The following LIMK2 variants were observed in gnomAD, a reference collection of about 807,000 sequenced individuals.
LIMK2 encodes LIM domain kinase 2.
Under a neutral mutation model 75.7 loss-of-function variants are expected in LIMK2, and 35 were observed. The ratio of observed to expected loss-of-function variants is 0.46; its 90% CI spans 0.35 to 0.61. The LOEUF (loss-of-function observed/expected upper bound fraction) is 0.61, where lower values mean the gene tolerates loss of function less well. LIMK2 is among the 20% of genes least tolerant of loss of function. The probability of loss-of-function intolerance (pLI) is 0.00; values close to 1 mark genes in which losing one functional copy is unlikely to be tolerated. For missense variants in LIMK2, 623 were observed against 831.0 expected (o/e 0.75, Z 3.08); for synonymous variants, 301 against 319.2 (o/e 0.94, Z 0.61).
chr22:31,260,176 T>C (rs1177825984), intron 5 of LIMK2, 99 bp downstream of exon 5: 2 of 992,440 alleles, frequency 2.0e-6, no homozygotes, highest in African/African-American at 3.4e-5. Flanking sequence ...AGAACTCCCT[T>C]TATTCTCATC....
At chr22:31,248,872 G>T in intron 2 of LIMK2, 1 of 1,268,084 alleles carries the variant, frequency 7.9e-7, no homozygotes. Context: ...TTTACCATCG[G>T]TTCTGCCGGG....
At chr22:31,260,727 A>T (rs2048829876) in intron 5 of LIMK2, among the ~76,000 whole-genome samples, 1 of 152,224 alleles carries the variant, frequency 6.6e-6, no homozygotes, top group African/African-American at 2.4e-5. Context: ...TTGGGAAGTC[A>T]GGAGGAGCTA....
Position 31,276,006 on chromosome 22 carries a change from C to CT in LIMK2, c.1772+699dup, listed in dbSNP as rs1315822291. Among the ~76,000 whole-genome samples, 9 of 152,282 alleles carry CT rather than the reference C, an allele frequency of 5.9e-5. 1 individual carries two copies. The highest frequency in any genetic ancestry group is 2.2e-4 in the African/African-American group (9 of 41,544). Reference sequence around the variant, plus strand: ...ATCCCAGCACTTTGGGAGGCTGAGGCTGGTGGATCACCTGAGGTCTGGAGT... The same window carrying CT: ...ATCCCAGCACTTTGGGAGGCTGAGGCTTGGTGGATCACCTGAGGTCTGGAGT... On this transcript the variant is annotated intron_variant, in intron 15 of 15. Transcript: ENST00000331728.
At chr22:31,242,704 A>G (rs1448138799) in intron 2 of LIMK2, among the ~76,000 whole-genome samples, 2 of 152,200 alleles carry the variant, frequency 1.3e-5, no homozygotes, top group African/African-American at 2.4e-5. Flanking sequence ...CCAGATGCCA[A>G]ATTCTTTTCT....
chr22:31,213,711 C>T (rs1366570129), intron 1 of LIMK2, among the ~76,000 whole-genome samples: 4 of 152,058 alleles, frequency 2.6e-5, no homozygotes, highest in Non-Finnish European at 1.5e-5. Flanking sequence ...TTGAGACCAG[C>T]TTGGGCAATA....
chr22:31,275,294 G>A lies in LIMK2; in HGVS notation c.1758G>A (p.Leu586=). The part of the protein sequence containing the change: ...FFPLAAICCR[L]EPESRPAFSK... ...CGCTGGCCGCCATCTGCTGCAGACTGGAGCCTGAGAGCAGGTTGGTATCCT... is the reference window on the plus strand; with the variant it reads ...CGCTGGCCGCCATCTGCTGCAGACTAGAGCCTGAGAGCAGGTTGGTATCCT... The change falls in exon 15 of 16, where the codon CTG becomes CTA. Residue 586 remains leucine, a synonymous_variant. Coordinates refer to ENST00000331728, the MANE Select transcript of LIMK2 (RefSeq NM_005569.4). The A allele has an allele frequency of 6.2e-7, 1 of 1,614,176 alleles. No homozygotes were observed. Among genetic ancestry groups the A allele is most frequent in the Non-Finnish European group, 8.5e-7 (1 of 1,180,044 alleles).
chr22:31,266,998 C>G lies in LIMK2; in HGVS notation c.1056C>G (p.Ala352=). Residue 352 remains alanine, a synonymous_variant, in exon 9 of 16, where the codon GCC becomes GCG. Transcript: ENST00000331728. ...CCTCCCTGTAGGTGACACACAAAGC[C>G]ACGGGCAAAGTGATGGTCATGAAAG... ...FGQAIKVTHK[A]TGKVMVMKEL... is the part of the protein sequence containing the mutation. 6.2e-7 allele frequency: 1 copy of G among 1,609,342 alleles called. No homozygotes were observed. The highest frequency in any genetic ancestry group is 1.1e-5 in the South Asian group (1 of 90,264).
intron 10 of LIMK2, 73 bp downstream of exon 10, chr22:31,267,980 A>T (rs2048913837): frequency 6.4e-7 from 1 of 1,569,152 alleles, no homozygotes; most frequent in Non-Finnish European, 8.7e-7. Context: ...CTACCCTAGG[A>T]GCTTAAAGGG....
intron 3 of LIMK2, chr22:31,258,750 GA>G: frequency 2.6e-6 from 1 of 387,742 alleles, no homozygotes; most frequent in Non-Finnish European, 4.8e-6. Flanking sequence ...TAGGGAATCA[GA>G]AAAGGAGACT....
intron 2 of LIMK2, among the ~76,000 whole-genome samples, chr22:31,240,254 C>T (rs552703074): frequency 2.6e-5 from 4 of 152,232 alleles, no homozygotes; most frequent in African/African-American, 9.6e-5. Flanking sequence ...TGATGATGCC[C>T]TATAGAGATT....
chr22:31,237,214 T>G (rs1185874778), intron 2 of LIMK2, among the ~76,000 whole-genome samples: 1 of 141,454 alleles, frequency 7.1e-6, no homozygotes, highest in Non-Finnish European at 1.5e-5. Context: ...TGAGCTGAGA[T>G]CGCGCCACTG....
intron 2 of LIMK2, among the ~76,000 whole-genome samples, chr22:31,250,130 CTTG>C (rs1000189408): frequency 6.6e-6 from 1 of 152,076 alleles, no homozygotes; most frequent in African/African-American, 2.4e-5. Flanking sequence ...GTTTGCCTGA[CTTG>C]TTGAAGGTGT....
chr22:31,221,370 T>C (rs1241914069), intron 1 of LIMK2, among the ~76,000 whole-genome samples: 2 of 151,574 alleles, frequency 1.3e-5, no homozygotes, highest in African/African-American at 4.9e-5. Context: ...GTATTCATCC[T>C]TTAGAGCTCA....
chr22:31,263,185 G>A (rs79371620), intron 7 of LIMK2, among the ~76,000 whole-genome samples: 4 of 152,084 alleles, frequency 2.6e-5, no homozygotes, highest in Non-Finnish European at 4.4e-5. Context: ...ATGAATGAAC[G>A]TTTTTTTTAG....
At chr22:31,221,103 A>G (rs1279543720) in intron 1 of LIMK2, among the ~76,000 whole-genome samples, 1 of 152,242 alleles carries the variant, frequency 6.6e-6, no homozygotes, top group Non-Finnish European at 1.5e-5. Flanking sequence ...ATGTAACTAG[A>G]GCATTCTTTT....
At chr22:31,237,444 A>T (rs1354463255) in intron 2 of LIMK2, among the ~76,000 whole-genome samples, 1 of 149,852 alleles carries the variant, frequency 6.7e-6, no homozygotes, top group East Asian at 2.0e-4. Flanking sequence ...GGCACCTGTA[A>T]TCCCAGCTAC....
Position 31,262,239 on chromosome 22 carries a change from G to T in LIMK2, c.657G>T (p.Glu219Asp). 1 of 1,603,786 alleles carries T rather than the reference G, an allele frequency of 6.2e-7. No individual in the cohort carries two copies. Among genetic ancestry groups the T allele is most frequent in the Non-Finnish European group, 8.5e-7 (1 of 1,170,562 alleles). The change falls in exon 6 of 16, where the codon GAG (glutamate) becomes GAT (aspartate). Residue 219 changes from glutamate (E) to aspartate (D), a missense_variant and splice_region_variant. Physicochemically the swap from Glu to Asp is conservative, Grantham distance 45. Around this residue, in one of 3 missense-constraint regions of LIMK2, gnomAD observed 514 missense variants for 661.3 expected, o/e 0.78. Coordinates refer to ENST00000331728, the MANE Select transcript of LIMK2 (RefSeq NM_005569.4). The surrounding 1 kb of genome is among the most constrained non-coding windows in gnomAD (Gnocchi z 5.0). ...GTPVRTLRVE[E>D]VEDAISQTSQ... ...CCGTCCGCACACTTCGAGTGGAGGA[G>T]GTAGAGTGTGTGTCTAATCTGTCTT...
chr22:31,243,045 C>G (rs1255555035), intron 2 of LIMK2, among the ~76,000 whole-genome samples: 1 of 152,210 alleles, frequency 6.6e-6, no homozygotes, highest in East Asian at 1.9e-4. Flanking sequence ...GCCTCAGCCT[C>G]CGCAGTAGCT....
intron 4 of LIMK2, 110 bp from the exon 5 acceptor site, chr22:31,259,779 T>G (rs2048819216): frequency 8.3e-6 from 7 of 844,660 alleles, no homozygotes; most frequent in Middle Eastern, 3.7e-4. Flanking sequence ...ACAAAGAGGG[T>G]GGTAGTGAGA....
Sources: allele counts gnomAD v4.1 joint callset (sites outside exome capture counted in the v4.1 genomes callset), GRCh38; gene constraint gnomAD v4.1.1; regional missense constraint gnomAD v4.1.1; non-coding constraint Gnocchi (gnomAD v3.1); transcripts MANE v1.5; gene names NCBI Gene and HGNC (gene_info 2026-07-23, HGNC 2026-07-21).